The following GABBR2 variants were observed in gnomAD, a reference collection of about 807,000 sequenced individuals.
GABBR2 encodes the protein G-protein coupled receptor 51.
Under a neutral mutation model 105.6 loss-of-function variants are expected in GABBR2, and 23 were observed. The ratio of observed to expected loss-of-function variants is 0.22; its 90% CI spans 0.16 to 0.31. The LOEUF (loss-of-function observed/expected upper bound fraction) is 0.31, where lower values mean the gene tolerates loss of function less well. Among genes scored for constraint, GABBR2 ranks in the 10% least tolerant of loss-of-function variants. The probability of loss-of-function intolerance (pLI) is 1.00; values close to 1 mark genes in which losing one functional copy is unlikely to be tolerated. For missense variants in GABBR2, 734 were observed against 1,245.5 expected (o/e 0.59, Z 6.18); for synonymous variants, 478 against 499.7 (o/e 0.96, Z 0.58).
chr9:98,505,964 G>A (rs150886614), intron 3 of GABBR2, among the ~76,000 whole-genome samples: 8 of 152,300 alleles, frequency 5.3e-5, no homozygotes, highest in African/African-American at 1.4e-4. Flanking sequence ...GGTTCCCATG[G>A]AGAAGCCTGG....
chr9:98,293,924 CACA>C (rs1830341749), intron 17 of GABBR2, 22 bp from the exon 18 acceptor site: 4 of 1,320,556 alleles, frequency 3.0e-6, no homozygotes, highest in East Asian at 2.3e-5. Flanking sequence ...ACAACAATAC[CACA>C]ACATGTTCGG....
intron 2 of GABBR2, among the ~76,000 whole-genome samples, chr9:98,547,168 G>A (rs1158827158): frequency 8.6e-6 from 1 of 116,062 alleles, no homozygotes; most frequent in Non-Finnish European, 1.9e-5. Flanking sequence ...CAAAAAAATC[G>A]CACTCTTGAT....
intron 1 of GABBR2, among the ~76,000 whole-genome samples, chr9:98,594,197 T>A (rs932201897): frequency 1.3e-5 from 2 of 152,154 alleles, no homozygotes; most frequent in African/African-American, 4.8e-5. Context: ...CATCTCAACA[T>A]CCTGCTCCCA....
chr9:98,550,112 T>C (rs1206668070), intron 2 of GABBR2, among the ~76,000 whole-genome samples: 1 of 152,206 alleles, frequency 6.6e-6, no homozygotes, highest in African/African-American at 2.4e-5. Context: ...TATACAAATT[T>C]AGTATAACTG....
chr9:98,622,163 G>A (rs183564453), intron 1 of GABBR2, among the ~76,000 whole-genome samples: 20 of 151,984 alleles, frequency 1.3e-4, no homozygotes, highest in Admixed American at 1.1e-3. Context: ...TACTTTATTT[G>A]GTGTTTTGCT....
chr9:98,478,948 G>T (rs1201325639), intron 5 of GABBR2, among the ~76,000 whole-genome samples: 2 of 152,092 alleles, frequency 1.3e-5, no homozygotes, highest in East Asian at 3.9e-4. Context: ...CTGGAGAGGG[G>T]ATACCGAGTT....
At chr9:98,391,324 T>G (rs1037044176) in intron 9 of GABBR2, among the ~76,000 whole-genome samples, 1 of 152,218 alleles carries the variant, frequency 6.6e-6, no homozygotes. Flanking sequence ...GTAGTTAAGA[T>G]TATTATCATT....
intron 2 of GABBR2, among the ~76,000 whole-genome samples, chr9:98,549,996 A>G (rs944655367): frequency 6.6e-6 from 1 of 152,204 alleles, no homozygotes; most frequent in East Asian, 1.9e-4. Context: ...ATTAAGCACT[A>G]TGAGTGGTTG....
chr9:98,612,995 TACCTGCTGCCTCAGCCCACAGGAAGCTG>T (rs1440214339), intron 1 of GABBR2, among the ~76,000 whole-genome samples: 1 of 152,212 alleles, frequency 6.6e-6, no homozygotes, highest in African/African-American at 2.4e-5. Context: ...TACCAACTGC[TACCTGCTGCCTCAGCCCACAGGAAGCTG>T]CACGCTCTGG....
At chr9:98,642,444 C>G (rs1829977086) in intron 1 of GABBR2, among the ~76,000 whole-genome samples, 1 of 152,236 alleles carries the variant, frequency 6.6e-6, no homozygotes, top group South Asian at 2.1e-4. Context: ...CTTCTTGCAT[C>G]TCAGCTAGGA....
chr9:98,623,454 AAAAAACATAC>A (rs1460391422), intron 1 of GABBR2, among the ~76,000 whole-genome samples: 2 of 152,236 alleles, frequency 1.3e-5, no homozygotes, highest in East Asian at 3.8e-4. Context: ...AAATATTTTT[AAAAAACATAC>A]AAAAACGCAT....
At chr9:98,296,574 CTTTGA>C (rs1830386107) in intron 17 of GABBR2, among the ~76,000 whole-genome samples, 1 of 152,162 alleles carries the variant, frequency 6.6e-6, no homozygotes, top group African/African-American at 2.4e-5. Context: ...CTTCGCCAGT[CTTTGA>C]GGCAAAAATG....
intron 8 of GABBR2, among the ~76,000 whole-genome samples, chr9:98,402,398 A>G (rs558221615): frequency 2.0e-4 from 31 of 152,302 alleles, no homozygotes; most frequent in African/African-American, 7.0e-4. Flanking sequence ...AAAATCAGCC[A>G]TGGCATCAGG....
chr9:98,448,402 C>T (rs1826172917), intron 7 of GABBR2, among the ~76,000 whole-genome samples: 3 of 152,188 alleles, frequency 2.0e-5, no homozygotes, highest in African/African-American at 7.2e-5. Flanking sequence ...GTTCAATTCT[C>T]ATAAGGTAAA....
At chr9:98,438,182 TCC>T (rs879843617) in intron 7 of GABBR2, among the ~76,000 whole-genome samples, 7,727 of 111,876 alleles carry the variant, frequency 0.069, 399 homozygotes, top group African/African-American at 0.2. Flanking sequence ...TATCCATCCA[TCC>T]ATCCATCCAT....
intron 18 of GABBR2, among the ~76,000 whole-genome samples, chr9:98,292,692 A>T (rs149833512): frequency 6.6e-6 from 1 of 152,332 alleles, no homozygotes; most frequent in Non-Finnish European, 1.5e-5. Context: ...GTGACCTGGG[A>T]AAAGGGTGTC....
intron 13 of GABBR2, among the ~76,000 whole-genome samples, chr9:98,334,671 GATT>G (rs1048168419): frequency 3.9e-5 from 6 of 152,314 alleles, no homozygotes; most frequent in African/African-American, 1.4e-4. Context: ...TGGGAAGTGA[GATT>G]TGGGCAGGAC....
At chr9:98,507,817 G>T (rs898152627) in intron 3 of GABBR2, among the ~76,000 whole-genome samples, 8 of 152,120 alleles carry the variant, frequency 5.3e-5, no homozygotes, top group African/African-American at 1.9e-4. Flanking sequence ...GACACCTCTT[G>T]CCCCTCCAGA....
intron 1 of GABBR2, among the ~76,000 whole-genome samples, chr9:98,697,536 C>T (rs1830773101): frequency 6.6e-6 from 1 of 151,102 alleles, no homozygotes; most frequent in Non-Finnish European, 1.5e-5. Context: ...GTAGTGAAGA[C>T]GAAATGAATG....
Sources: allele counts gnomAD v4.1 joint callset (sites outside exome capture counted in the v4.1 genomes callset), GRCh38; gene constraint gnomAD v4.1.1; transcripts MANE v1.5; gene names NCBI Gene and HGNC (gene_info 2026-07-23, HGNC 2026-07-21).